GPR39: variants seen among roughly 807,000 people sequenced by gnomAD.
GPR39 encodes zinc sensing receptor.
Under a neutral mutation model 18.4 loss-of-function variants are expected in GPR39, and 23 were observed. The observed-to-expected ratio is 1.25, with a 90% confidence interval of 0.90 to 1.77. The LOEUF (loss-of-function observed/expected upper bound fraction) is 1.77, where lower values mean the gene tolerates loss of function less well. Ranked by LOEUF, GPR39 falls within the 40% of genes most tolerant of loss-of-function variation. The probability of loss-of-function intolerance (pLI) is 0.00; values close to 1 mark genes in which losing one functional copy is unlikely to be tolerated. For missense variants in GPR39, 647 were observed against 602.4 expected (o/e 1.07, Z -0.78); for synonymous variants, 280 against 257.9 (o/e 1.09, Z -0.82).
chr2:132,435,820 A>C (rs1228882585), intron 1 of GPR39, among the ~76,000 whole-genome samples: 1 of 152,242 alleles, frequency 6.6e-6, no homozygotes, highest in African/African-American at 2.4e-5. Context: ...TAAGACATGA[A>C]GGGGATATGG....
intron 1 of GPR39, among the ~76,000 whole-genome samples, chr2:132,515,364 A>C (rs1482285096): frequency 1.3e-5 from 2 of 152,120 alleles, no homozygotes; most frequent in East Asian, 1.9e-4. Flanking sequence ...TGTCTTTTTC[A>C]CCACTGTATC....
intron 1 of GPR39, among the ~76,000 whole-genome samples, chr2:132,477,376 G>A (rs1450155722): frequency 6.6e-6 from 1 of 152,080 alleles, no homozygotes; most frequent in East Asian, 1.9e-4. Flanking sequence ...GGGCCAGCCT[G>A]AGCAACATAG....
chr2:132,416,886 C>T lies in GPR39; in HGVS notation c.-157C>T. On this transcript the variant is annotated 5_prime_UTR_variant, in exon 1 of 2. Transcript: ENST00000329321. ...CTGCTCCAGCAAGTTTCCATGAAAG[C>T]ACCTGAAATACTAAGTTACCTTCGC... 2 of 980,060 alleles carry T rather than the reference C, an allele frequency of 2.0e-6. No homozygotes were observed. The highest frequency in any genetic ancestry group is 3.0e-6 in the Non-Finnish European group (2 of 674,562). The allele number at this position is 980,060 out of a possible 1,614,324, so 60.7% of individuals were successfully genotyped here.
chr2:132,542,893 G>A (rs908922855), intron 1 of GPR39, among the ~76,000 whole-genome samples: 3 of 152,162 alleles, frequency 2.0e-5, no homozygotes, highest in Admixed American at 1.3e-4. Context: ...TTGCCACTCA[G>A]TAAGGTAGGT....
At chr2:132,473,760 T>C (rs1022243069) in intron 1 of GPR39, among the ~76,000 whole-genome samples, 41 of 152,214 alleles carry the variant, frequency 2.7e-4, no homozygotes, top group Non-Finnish European at 4.4e-5. Flanking sequence ...AGAGACATGA[T>C]GTAGACCACT....
chr2:132,645,448 G>C lies in GPR39; in HGVS notation c.1204G>C (p.Ala402Pro). The change falls in exon 2 of 2, where the codon GCA (alanine) becomes CCA (proline). Residue 402 changes from alanine (A) to proline (P), a missense_variant. Around this residue, in one of 3 missense-constraint regions of GPR39, gnomAD observed 581 missense variants for 506.8 expected, o/e 1.15. Transcript: ENST00000329321. ...CTTCGCGTCCCGGCGCCAGTCCTCT[G>C]CAAGGAGAACTGAGAAGATTTTCTT... is the stretch of plus-strand genomic sequence containing the variant. Reference protein sequence around the residue: ...LLFASRRQSSARRTEKIFLST... With the variant: ...LLFASRRQSSPRRTEKIFLST... 1 of 1,613,732 alleles carries C rather than the reference G, an allele frequency of 6.2e-7. No homozygotes were observed. Among genetic ancestry groups the C allele is most frequent in the East Asian group, 2.2e-5 (1 of 44,872 alleles).
chr2:132,444,110 G>C (rs1328510146), intron 1 of GPR39, among the ~76,000 whole-genome samples: 1 of 152,142 alleles, frequency 6.6e-6, no homozygotes, highest in Non-Finnish European at 1.5e-5. Context: ...ATTTGTCAGG[G>C]AAGGAGGATA....
intron 1 of GPR39, among the ~76,000 whole-genome samples, chr2:132,611,025 T>C (rs1164014933): frequency 1.3e-5 from 2 of 152,208 alleles, no homozygotes; most frequent in Non-Finnish European, 2.9e-5. Flanking sequence ...CCTGGGAGGC[T>C]GAGAAATGTG....
At chr2:132,464,005 G>A (rs995648381) in intron 1 of GPR39, among the ~76,000 whole-genome samples, 4 of 152,180 alleles carry the variant, frequency 2.6e-5, no homozygotes, top group African/African-American at 4.8e-5. Context: ...ATTGCAAGAC[G>A]TCTTCAGTCC....
At chr2:132,456,434 T>G (rs1680730133) in intron 1 of GPR39, among the ~76,000 whole-genome samples, 2 of 152,330 alleles carry the variant, frequency 1.3e-5, no homozygotes, top group South Asian at 4.1e-4. Context: ...CTTTATCCAA[T>G]TTACCAGTGT....
chr2:132,614,183 TTTTTGTTTTTGTTTTG>T (rs1558859204), intron 1 of GPR39, among the ~76,000 whole-genome samples: 2 of 140,734 alleles, frequency 1.4e-5, no homozygotes, highest in Admixed American at 6.8e-5. Flanking sequence ...CTTGCTTTTT[TTTTTGTTTTTGTTTTG>T]TTTTGTTTTT....
intron 1 of GPR39, among the ~76,000 whole-genome samples, chr2:132,455,484 G>A (rs184495181): frequency 6.6e-6 from 1 of 152,262 alleles, no homozygotes; most frequent in East Asian, 1.9e-4. Context: ...ATCTCTTTCA[G>A]TTCTGCTCTG....
In GPR39 at chr2:132,645,415, C is replaced by A; in HGVS notation, c.1171C>A (p.Pro391Thr). Reference sequence around the variant, plus strand: ...CGACAGCGCCCGCTTTGTGCAGCGCCCGTTGCTCTTCGCGTCCCGGCGCCA... The same window carrying A: ...CGACAGCGCCCGCTTTGTGCAGCGCACGTTGCTCTTCGCGTCCCGGCGCCA... ...TTDSARFVQR[P>T]LLFASRRQSS... Residue 391 changes from proline (P) to threonine (T), a missense_variant, in exon 2 of 2, where the codon CCG becomes ACG. By Grantham distance (38) the Pro-to-Thr change is conservative (BLOSUM62 -1). Around this residue, in one of 3 missense-constraint regions of GPR39, gnomAD observed 581 missense variants for 506.8 expected, o/e 1.15. Coordinates refer to ENST00000329321, the MANE Select transcript of GPR39 (RefSeq NM_001508.3). 1 of 1,613,640 alleles carries A rather than the reference C, an allele frequency of 6.2e-7. No individual in the cohort carries two copies. Among genetic ancestry groups the A allele is most frequent in the South Asian group, 1.1e-5 (1 of 91,080 alleles).
rs1001247783 is a variant in GPR39 at position 132,460,083 on chromosome 2, T to C, written c.856+42185T>C. On this transcript the variant is annotated intron_variant, in intron 1 of 1. Transcript: ENST00000329321. ...TTAAAATTTGGGATTTTAGGGTAAA[T>C]GGTTTGAAAAACAAACAAATGAAAA... Among the ~76,000 whole-genome samples, 10 of 152,220 alleles carry C rather than the reference T, an allele frequency of 6.6e-5. No individual in the cohort carries two copies. In the South Asian group the frequency reaches 1.0e-3, roughly 16 times the overall value.
chr2:132,446,936 C>G (rs532559658), intron 1 of GPR39, among the ~76,000 whole-genome samples: 2 of 152,114 alleles, frequency 1.3e-5, no homozygotes, highest in South Asian at 4.2e-4. Flanking sequence ...TGAATATATG[C>G]CCCATATGTA....
At chr2:132,429,679 A>T (rs956609467) in intron 1 of GPR39, among the ~76,000 whole-genome samples, 2 of 152,276 alleles carry the variant, frequency 1.3e-5, no homozygotes, top group Non-Finnish European at 2.9e-5. Context: ...GAGCAAAGAC[A>T]GAAAAGCTAA....
intron 1 of GPR39, among the ~76,000 whole-genome samples, chr2:132,445,365 C>G (rs891544600): frequency 2.0e-5 from 3 of 152,052 alleles, no homozygotes; most frequent in Admixed American, 2.0e-4. Flanking sequence ...TGATTCATAT[C>G]CCTAGATCCT....
intron 1 of GPR39, among the ~76,000 whole-genome samples, chr2:132,496,520 C>T (rs1247076496): frequency 6.6e-6 from 1 of 152,126 alleles, no homozygotes; most frequent in African/African-American, 2.4e-5. Flanking sequence ...TTAGTGATCC[C>T]CAACAAGGCA....
intron 1 of GPR39, among the ~76,000 whole-genome samples, chr2:132,639,469 C>G (rs1681821902): frequency 6.6e-6 from 1 of 152,160 alleles, no homozygotes; most frequent in East Asian, 1.9e-4. Flanking sequence ...GGGACTCCAA[C>G]AGTAAGTAGA....
Sources: gnomAD v4.1 joint callset for allele counts (sites outside exome capture counted in the v4.1 genomes callset) on GRCh38, gnomAD v4.1.1 for gene constraint, gnomAD v4.1.1 regional missense constraint, MANE v1.5 for transcripts, NCBI Gene and HGNC (gene_info 2026-07-23, HGNC 2026-07-21) for gene names.